Variants in CMSS1 observed in about 807,000 individuals in gnomAD.
The protein encoded by CMSS1 is protein CMSS1.
In CMSS1, 33 loss-of-function variants were observed where a neutral mutation model predicts 43.5. The ratio of observed to expected loss-of-function variants is 0.76; its 90% confidence interval spans 0.57 to 1.01. CMSS1 has a LOEUF of 1.01. Ranked by LOEUF, CMSS1 falls within the 50% of genes least tolerant of loss-of-function variation. The pLI is 0.00. For synonymous variants in CMSS1, 115 were observed against 117.2 expected, an observed-to-expected ratio of 0.98 and a Z score of 0.12; for missense variants, 313 against 326.4, an observed-to-expected ratio of 0.96 and a Z score of 0.32.
intron 1 of CMSS1, among the ~76,000 whole-genome samples, chr3:99,999,806 G>C (rs1559720285): frequency 1.3e-5 from 2 of 152,140 alleles, no homozygotes; most frequent in Non-Finnish European, 2.9e-5. Context: ...TCACCAAACA[G>C]TGCATCCAGT....
intron 1 of CMSS1, among the ~76,000 whole-genome samples, chr3:100,002,903 A>G (rs1237130853): frequency 6.6e-6 from 1 of 152,174 alleles, no homozygotes; most frequent in East Asian, 1.9e-4. Context: ...GAGTATGTGT[A>G]TGTTCTGAAG....
intron 1 of CMSS1, among the ~76,000 whole-genome samples, chr3:99,865,240 A>G (rs1160675636): frequency 6.6e-6 from 1 of 152,190 alleles, no homozygotes; most frequent in African/African-American, 2.4e-5. Flanking sequence ...TGAGGCTCAA[A>G]AAAGTTAATT....
At chr3:100,123,092 A>T (rs1173476365) in intron 1 of CMSS1, among the ~76,000 whole-genome samples, 1 of 152,228 alleles carries the variant, frequency 6.6e-6, no homozygotes, top group East Asian at 1.9e-4. Flanking sequence ...AAAACAAGGT[A>T]ACAAATCAGA....
intron 2 of CMSS1, among the ~76,000 whole-genome samples, chr3:100,158,742 A>G (rs2066997506): frequency 6.6e-6 from 1 of 152,174 alleles, no homozygotes; most frequent in South Asian, 2.1e-4. Context: ...TCAGAATTAC[A>G]TTTTTATTTT....
chr3:99,929,511 A>AGTGTGTGT (rs1252520553), intron 1 of CMSS1, among the ~76,000 whole-genome samples: 1 of 123,944 alleles, frequency 8.1e-6, no homozygotes, highest in South Asian at 2.8e-4. Context: ...GCAAGTTCCC[A>AGTGTGTGT]GAGTGTGTGT....
In CMSS1 at chr3:99,909,942, CTGA is replaced by C. The variant is rs1706741294; in HGVS notation, c.64+91900_64+91902del. 5.1e-5 allele frequency among the ~76,000 whole-genome samples: 7 copies of C among 138,496 alleles called. 1 individual carries two copies. The highest frequency in any genetic ancestry group is 8.3e-5 in the Non-Finnish European group (5 of 60,312). The allele number at this position is 138,496 out of a possible 152,430, so 90.9% of individuals were successfully genotyped here. On this transcript the variant is annotated intron_variant, in intron 1 of 9. Coordinates refer to ENST00000421999, the MANE Select transcript of CMSS1 (RefSeq NM_032359.4). ...CATTGTCAACAAGAGCTGTTGTCAT[CTGA>C]CCAAAATGAGTGAGAAATTTCAGTT... is the stretch of plus-strand genomic sequence containing the variant.
chr3:100,159,935 C>A (rs1406043468), intron 2 of CMSS1: 2 of 456,536 alleles, frequency 4.4e-6, no homozygotes, highest in South Asian at 1.5e-5. Context: ...ATATATCTTA[C>A]TTTGGATTTT....
At chr3:99,850,376 A>C (rs769884665) in intron 1 of CMSS1, 2 of 1,612,934 alleles carry the variant, frequency 1.2e-6, no homozygotes, top group Non-Finnish European at 8.5e-7. Context: ...CTTTTGTTGA[A>C]AGCGTCTTCT....
rs1020728249 is a variant in CMSS1 at position 99,993,234 on chromosome 3, T to C, written c.65-153739T>C. On this transcript the variant is annotated intron_variant, in intron 1 of 9. Coordinates refer to ENST00000421999, the MANE Select transcript of CMSS1 (RefSeq NM_032359.4). ...GATCTGATAGAGATTACATTGAATA[T>C]TATTAAAATTACATTTTAATAATAT... Among the ~76,000 whole-genome samples the C allele has an allele frequency of 2.6e-5, 4 of 152,226 alleles. No homozygotes were observed. In the East Asian group the frequency reaches 7.7e-4, roughly 29 times the overall value.
chr3:99,829,472 G>T (rs1348460970), intron 1 of CMSS1, among the ~76,000 whole-genome samples: 1 of 152,118 alleles, frequency 6.6e-6, no homozygotes, highest in Non-Finnish European at 1.5e-5. Flanking sequence ...TAATAGTTGG[G>T]CATATTCATA....
At chr3:100,074,025 G>A (rs898422628) in intron 1 of CMSS1, among the ~76,000 whole-genome samples, 5 of 152,038 alleles carry the variant, frequency 3.3e-5, no homozygotes, top group South Asian at 2.1e-4. Context: ...AAAGCAAGTC[G>A]TCTTCTACTG....
At chr3:100,064,839 A>G (rs2065635637) in intron 1 of CMSS1, among the ~76,000 whole-genome samples, 1 of 146,704 alleles carries the variant, frequency 6.8e-6, no homozygotes, top group Non-Finnish European at 1.5e-5. Context: ...ATTTCCACAC[A>G]GTAAAAAGAT....
chr3:99,848,579 T>C, intron 1 of CMSS1: 2 of 1,614,212 alleles, frequency 1.2e-6, no homozygotes, highest in Non-Finnish European at 1.7e-6. Context: ...GGGGAGACTC[T>C]GAATATCGCA....
chr3:99,898,275 A>G (rs1706324749), intron 1 of CMSS1: 1 of 152,328 alleles, frequency 6.6e-6, no homozygotes, highest in South Asian at 2.1e-4. Context: ...GGTGTATGGA[A>G]TGAAAGATTG....
chr3:100,177,130 G>A (rs1485712529), intron 9 of CMSS1, among the ~76,000 whole-genome samples: 9 of 152,248 alleles, frequency 5.9e-5, no homozygotes, highest in Admixed American at 2.0e-4. Flanking sequence ...AACTATCAAA[G>A]AGGCTTGGAA....
At chr3:99,930,096 G>T in intron 1 of CMSS1, 1 of 1,327,138 alleles carries the variant, frequency 7.5e-7, no homozygotes, top group Non-Finnish European at 1.0e-6. Flanking sequence ...AGTGATTTTT[G>T]TGATAGTTGG....
intron 1 of CMSS1, among the ~76,000 whole-genome samples, chr3:99,940,012 C>T (rs1707806874): frequency 6.6e-6 from 1 of 152,196 alleles, no homozygotes; most frequent in South Asian, 2.1e-4. Flanking sequence ...ACAGAATAAA[C>T]AACCACTGAT....
At chr3:99,985,448 C>T (rs764216342) in intron 1 of CMSS1, among the ~76,000 whole-genome samples, 3 of 152,034 alleles carry the variant, frequency 2.0e-5, no homozygotes, top group Non-Finnish European at 4.4e-5. Context: ...TAGCTTGAGC[C>T]AAGATCATAC....
chr3:100,036,001 T>C (rs1416883691), intron 1 of CMSS1, among the ~76,000 whole-genome samples: 2 of 152,254 alleles, frequency 1.3e-5, no homozygotes, highest in Non-Finnish European at 2.9e-5. Flanking sequence ...GGGATAATAA[T>C]GTTTACTAGT....
Sources: allele counts gnomAD v4.1 joint callset (sites outside exome capture counted in the v4.1 genomes callset), GRCh38; gene constraint gnomAD v4.1.1; transcripts MANE v1.5; gene names NCBI Gene and HGNC (gene_info 2026-07-23, HGNC 2026-07-21).